Variants in SVEP1 observed in about 807,000 individuals in gnomAD.
SVEP1 encodes sushi, von Willebrand factor type A, EGF and pentraxin domain containing 1.
SVEP1 carries 164 observed loss-of-function variants against 367.3 expected under a neutral mutation model. The ratio of observed to expected loss-of-function variants is 0.45; its 90% CI spans 0.39 to 0.51. SVEP1 has a LOEUF of 0.51. SVEP1 is among the 20% of genes least tolerant of loss of function. The pLI is 0.00. For synonymous variants in SVEP1, 1,666 were observed against 1,611.6 expected, an observed-to-expected ratio of 1.03 and a Z score of -0.81; for missense variants, 4,117 against 4,425.3, an observed-to-expected ratio of 0.93 and a Z score of 1.98.
chr9:110,394,102 C>T (rs1242416276), intron 40 of SVEP1, among the ~76,000 whole-genome samples: 1 of 152,040 alleles, frequency 6.6e-6, no homozygotes, highest in African/African-American at 2.4e-5. Context: ...CTGGGAGGCA[C>T]CCCCCAGTAG....
At chr9:110,457,034 G>A (rs1436203730) in intron 21 of SVEP1, among the ~76,000 whole-genome samples, 1 of 152,160 alleles carries the variant, frequency 6.6e-6, no homozygotes, top group Admixed American at 6.5e-5. Flanking sequence ...TCATAGGGAA[G>A]ATGAGTCTTT....
In SVEP1 at chr9:110,579,708, G is replaced by A; in HGVS notation, c.-165C>T. ...TGACACTGGGGACAGACACAATCCAGACTCCTCAGCAGCTCGGGAACTCCG... is the reference window on the plus strand; with the variant it reads ...TGACACTGGGGACAGACACAATCCAAACTCCTCAGCAGCTCGGGAACTCCG... On this transcript the variant is annotated 5_prime_UTR_variant, in exon 1 of 48. Coordinates refer to ENST00000374469, the MANE Select transcript of SVEP1 (RefSeq NM_153366.4). The surrounding 1 kb of genome is among the most constrained non-coding windows in gnomAD (Gnocchi z 5.3). The A allele has an allele frequency of 1.2e-6, 1 of 812,762 alleles. No individual in the cohort carries two copies. Among genetic ancestry groups the A allele is most frequent in the Non-Finnish European group, 1.8e-6 (1 of 560,014 alleles). The allele number at this position is 812,762 out of a possible 1,614,324, so 50.3% of individuals were successfully genotyped here.
chr9:110,572,871 T>C (rs977087876), intron 1 of SVEP1, among the ~76,000 whole-genome samples: 2 of 151,432 alleles, frequency 1.3e-5, no homozygotes, highest in Non-Finnish European at 1.5e-5. Flanking sequence ...TTGTTGTACG[T>C]ACTGAGGATT....
intron 25 of SVEP1, 53 bp from the exon 26 acceptor site, chr9:110,446,091 A>T: frequency 6.6e-7 from 1 of 1,507,676 alleles, no homozygotes; most frequent in Non-Finnish European, 9.0e-7. Context: ...GACATTTCCA[A>T]TTGTCAGAGG....
In SVEP1 at chr9:110,458,492, C is replaced by T. The variant is rs776019598; in HGVS notation, c.3555G>A (p.Lys1185=). The stretch of plus-strand genomic sequence containing the variant: ...TTGCCTGACTGCTGATTTCATGCCT[C>T]TTTTTAATATGTCCAAGAGAGGCAG... ...VPPASLGHIK[K]RHEISSQVFH... Residue 1185 remains lysine, a synonymous_variant, in exon 20 of 48, where the codon AAG becomes AAA. Transcript: ENST00000374469. 3 of 1,612,792 alleles carry T rather than the reference C, an allele frequency of 1.9e-6. No individual in the cohort carries two copies. In the Admixed American group the frequency reaches 5.0e-5, roughly 27 times the overall value.
chr9:110,544,558 T>G (rs1011776046), intron 3 of SVEP1, among the ~76,000 whole-genome samples: 9 of 152,164 alleles, frequency 5.9e-5, no homozygotes, highest in African/African-American at 2.2e-4. Context: ...TATAAAAATA[T>G]AAAGATCTTC....
chr9:110,435,354 A>G lies in SVEP1; in HGVS notation c.4775T>C (p.Leu1592Pro). ...GAGTTCCTCTGGGCAGGAGGTAGCC[A>G]GTGACTTCACCTGAAAGTTTAATAA... ...YVLSPQQVKSLATSCPEELSK... is the reference protein window; with the variant it reads ...YVLSPQQVKSPATSCPEELSK... The change falls in exon 29 of 48, where the codon CTG becomes CCG. Residue 1592 changes from leucine (L) to proline (P), a missense_variant. Leu to Pro is a moderately conservative substitution (Grantham distance 98, BLOSUM62 -3). Transcript: ENST00000374469. 2 of 1,613,232 alleles carry G rather than the reference A, an allele frequency of 1.2e-6. No individual in the cohort carries two copies. Among genetic ancestry groups the G allele is most frequent in the Non-Finnish European group, 1.7e-6 (2 of 1,179,344 alleles).
At chr9:110,496,034 C>A (rs1465707583) in intron 8 of SVEP1, among the ~76,000 whole-genome samples, 2 of 152,120 alleles carry the variant, frequency 1.3e-5, no homozygotes, top group African/African-American at 4.8e-5. Flanking sequence ...TTAGTGGCTA[C>A]AATAATACAA....
At position 110,551,903 on chromosome 9, in the gene SVEP1, C is replaced by T. The variant is rs142707042; in HGVS notation, c.532-1799G>A. Among the ~76,000 whole-genome samples, 24 of 152,180 alleles carry T rather than the reference C, an allele frequency of 1.6e-4. No individual in the cohort carries two copies. In the East Asian group the frequency reaches 4.4e-3, roughly 28 times the overall value. Reference sequence around the variant, plus strand: ...GTCACAGAAGAGATGATTGACAAGCCTCCCTTTAGGCATAGAGGTCCCCAG... The same window carrying T: ...GTCACAGAAGAGATGATTGACAAGCTTCCCTTTAGGCATAGAGGTCCCCAG... On this transcript the variant is annotated intron_variant, in intron 1 of 47. Coordinates refer to ENST00000374469, the MANE Select transcript of SVEP1 (RefSeq NM_153366.4).
chr9:110,492,440 C>G (rs1258259470), intron 8 of SVEP1, among the ~76,000 whole-genome samples: 1 of 151,372 alleles, frequency 6.6e-6, no homozygotes, highest in African/African-American at 2.5e-5. Context: ...GCAATAGATA[C>G]TCTTATTTTT....
At chr9:110,390,597 T>C (rs75466648) in intron 40 of SVEP1, among the ~76,000 whole-genome samples, 13,902 of 151,550 alleles carry the variant, frequency 0.092, 1,089 homozygotes, top group East Asian at 0.4. Flanking sequence ...TATATACTCT[T>C]TTCTTTTTAC....
rs77526009 is a variant in SVEP1, at chr9:110,392,672, C to T, written c.9823-3085G>A. 8.0e-3 allele frequency among the ~76,000 whole-genome samples: 1,218 copies of T among 152,258 alleles called. 18 individuals carry two copies. The highest frequency in any genetic ancestry group is 0.027 in the African/African-American group (1,129 of 41,538). ...AGGTAGCACTGGAAAGACAATTCTT[C>T]CTCTTGAGTTGTCTGTTTTTAAAAT... On this transcript the variant is annotated intron_variant, in intron 40 of 47. Coordinates refer to ENST00000374469, the MANE Select transcript of SVEP1 (RefSeq NM_153366.4).
chr9:110,487,422 A>T (rs1015543222), intron 9 of SVEP1, among the ~76,000 whole-genome samples: 2 of 152,222 alleles, frequency 1.3e-5, no homozygotes, highest in Non-Finnish European at 2.9e-5. Context: ...AGAATCCAAC[A>T]TATTTTTCAT....
intron 36 of SVEP1, among the ~76,000 whole-genome samples, chr9:110,426,821 G>A (rs758280352): frequency 6.6e-6 from 1 of 152,086 alleles, no homozygotes; most frequent in Non-Finnish European, 1.5e-5. Flanking sequence ...AAAGCCCTTC[G>A]TAATTTGTTA....
intron 43 of SVEP1, among the ~76,000 whole-genome samples, chr9:110,380,807 ATCTG>A (rs750239141): frequency 1.3e-5 from 2 of 152,116 alleles, no homozygotes; most frequent in Non-Finnish European, 2.9e-5. Context: ...TCAGCTATAA[ATCTG>A]TCTGGTCCTT....
intron 45 of SVEP1, among the ~76,000 whole-genome samples, chr9:110,376,419 G>A (rs1183817228): frequency 1.3e-5 from 2 of 152,230 alleles, no homozygotes; most frequent in African/African-American, 2.4e-5. Flanking sequence ...GAAGAGAAAA[G>A]TGTGATTTCT....
At chr9:110,548,039 G>A (rs914892178) in intron 2 of SVEP1, among the ~76,000 whole-genome samples, 2 of 152,134 alleles carry the variant, frequency 1.3e-5, no homozygotes, top group African/African-American at 4.8e-5. Context: ...AGGGATGACA[G>A]GAGCTGAAAT....
At chr9:110,386,715 A>ATATTTCAAGCAATTTCAGATT in intron 42 of SVEP1, among the ~76,000 whole-genome samples, 1 of 152,274 alleles carries the variant, frequency 6.6e-6, no homozygotes, top group Non-Finnish European at 1.5e-5. Context: ...ATGTCAACAC[A>ATATTTCAAGCAATTTCAGATT]TATTTCAAGC....
intron 28 of SVEP1, among the ~76,000 whole-genome samples, chr9:110,435,992 G>A (rs944850043): frequency 8.5e-5 from 13 of 152,130 alleles, no homozygotes; most frequent in East Asian, 7.7e-4. Flanking sequence ...CCACTAGGTC[G>A]TATGTTGCTC....
Sources: allele counts gnomAD v4.1 joint callset (sites outside exome capture counted in the v4.1 genomes callset), GRCh38; gene constraint gnomAD v4.1.1; non-coding constraint Gnocchi (gnomAD v3.1); transcripts MANE v1.5; gene names NCBI Gene and HGNC (gene_info 2026-07-23, HGNC 2026-07-21).